Variants in ASMTL observed in about 807,000 individuals in gnomAD.
ASMTL encodes probable bifunctional dTTP/UTP pyrophosphatase/methyltransferase protein.
In ASMTL, 57 loss-of-function variants were observed where a neutral mutation model predicts 60.3. The observed-to-expected ratio is 0.95, with a 90% CI of 0.76 to 1.18. The LOEUF (loss-of-function observed/expected upper bound fraction) is 1.18. Ranked by LOEUF, ASMTL falls within the 50% of genes most tolerant of loss-of-function variation. The pLI is 0.00. For missense variants in ASMTL, 981 were observed against 852.6 expected (o/e 1.15, Z -1.88); for synonymous variants, 419 against 373.0 (o/e 1.12, Z -1.42).
chrX:1,436,360 A>G (rs1269034101), intron 3 of ASMTL, among the ~76,000 whole-genome samples: 7 of 150,440 alleles, frequency 4.7e-5, no homozygotes, highest in Admixed American at 3.3e-4. Flanking sequence ...TTTTTTATTT[A>G]TTTATTTTTT....
At chrX:1,412,291 G>C (rs28379081) in intron 12 of ASMTL, among the ~76,000 whole-genome samples, 1 of 151,758 alleles carries the variant, frequency 6.6e-6, no homozygotes, top group Admixed American at 6.6e-5. Flanking sequence ...GCAGTGGCGC[G>C]ATCTCGGCTC....
At chrX:1,417,648 CAG>C (rs2090340697) in intron 11 of ASMTL, among the ~76,000 whole-genome samples, 2 of 151,596 alleles carry the variant, frequency 1.3e-5, no homozygotes, top group African/African-American at 4.9e-5. Context: ...TATACCCACA[CAG>C]ACACACACAC....
chrX:1,417,530 C>G (rs1218129314), intron 11 of ASMTL, among the ~76,000 whole-genome samples: 1 of 132,398 alleles, frequency 7.6e-6, no homozygotes, highest in African/African-American at 2.7e-5. Context: ...CATGCACACA[C>G]ACACACATGC....
chrX:1,439,908 T>C (rs1184892087), intron 2 of ASMTL, among the ~76,000 whole-genome samples: 2 of 147,294 alleles, frequency 1.4e-5, no homozygotes, highest in Admixed American at 6.7e-5. Context: ...ATAAAACAAA[T>C]CCAGGTTGAA....
chrX:1,439,734 G>T (rs2091059921), intron 2 of ASMTL, among the ~76,000 whole-genome samples: 1 of 151,482 alleles, frequency 6.6e-6, no homozygotes, highest in African/African-American at 2.4e-5. Flanking sequence ...TACTCAGGAG[G>T]CTGAGGCAGC....
At chrX:1,439,728 C>A (rs1261935438) in intron 2 of ASMTL, among the ~76,000 whole-genome samples, 6 of 151,080 alleles carry the variant, frequency 4.0e-5, no homozygotes, top group Admixed American at 3.3e-4. Flanking sequence ...CTCAGCTACT[C>A]AGGAGGCTGA....
Position 1,444,158 on chromosome X carries a change from G to A in ASMTL, c.94-1841C>T, listed in dbSNP as rs193291514. ...TTTCCCTCACACAGAAACATTCCGA[G>A]CCTGCGAGAAGCCCCCTTTTCCAAA... On this transcript the variant is annotated intron_variant, in intron 1 of 12. Transcript: ENST00000381317. 1.3e-3 allele frequency among the ~76,000 whole-genome samples: 200 copies of A among 150,860 alleles called. 2 individuals are homozygous for A. The highest frequency in any genetic ancestry group is 4.8e-3 in the African/African-American group (196 of 41,134).
intron 3 of ASMTL, among the ~76,000 whole-genome samples, chrX:1,436,327 CCAT>C (rs1287773548): frequency 6.6e-6 from 1 of 152,014 alleles, no homozygotes; most frequent in Non-Finnish European, 1.5e-5. Flanking sequence ...GTGCACACCA[CCAT>C]GCCTGGCTAA....
At chrX:1,419,231 G>A (rs55944892) in intron 9 of ASMTL, 117 bp from the exon 10 acceptor site, 187,171 of 1,185,124 alleles carry the variant, frequency 0.16, 15,705 homozygotes, top group Non-Finnish European at 0.17. Flanking sequence ...GCTCAGCCGC[G>A]CCTGGGCTGC....
At chrX:1,452,726 C>A (rs1273444952) in intron 1 of ASMTL, 22 bp downstream of exon 1, 2 of 1,572,034 alleles carry the variant, frequency 1.3e-6, no homozygotes, top group Non-Finnish European at 1.7e-6. Context: ...GGTCCCCTGC[C>A]CCGCCCAGGC....
Position 1,412,768 on chromosome X carries a change from T to C in ASMTL, c.1609A>G (p.Lys537Glu). The part of the protein sequence containing the change: ...LHDWPDDKVH[K>E]LLSRVAESCK... The stretch of plus-strand genomic sequence containing the variant: ...CTCTCGGCGACCCTGCTGAGTAACT[T>C]GTGGACTTTGTCGTCTGGCCAGTCA... The change falls in exon 12 of 13, where the codon AAG (lysine) becomes GAG (glutamate). Residue 537 changes from lysine (K) to glutamate (E), a missense_variant. Coordinates refer to ENST00000381317, the MANE Select transcript of ASMTL (RefSeq NM_004192.4). The C allele has an allele frequency of 6.2e-7, 1 of 1,613,942 alleles. No individual in the cohort carries two copies. Among genetic ancestry groups the C allele is most frequent in the East Asian group, 2.2e-5 (1 of 44,884 alleles).
In ASMTL at chrX:1,435,819, C is replaced by T. The variant is rs2090951549; in HGVS notation, c.274-61G>A. 1.2e-5 allele frequency: 16 copies of T among 1,377,752 alleles called. No homozygotes were observed. The South Asian group carries it at 1.7e-4, about 15-fold the overall frequency. 85.3% of individuals were successfully genotyped at this position (1,377,752 alleles called of 1,614,324 possible). ...CCGGCTGGGTCAGGCCTGTGCAAGTCCCACGGTCCCATTCGCAGAAGTCAC... is the reference window on the plus strand; with the variant it reads ...CCGGCTGGGTCAGGCCTGTGCAAGTTCCACGGTCCCATTCGCAGAAGTCAC... On this transcript the variant is annotated intron_variant, in intron 3 of 12. Transcript: ENST00000381317.
chrX:1,419,222 C>A, intron 9 of ASMTL, 108 bp from the exon 10 acceptor site: 1 of 1,300,182 alleles, frequency 7.7e-7, no homozygotes, highest in Non-Finnish European at 1.1e-6. Context: ...AGCGTGGGGG[C>A]TCAGCCGCGC....
At chrX:1,414,506 G>A (rs1189736954) in intron 11 of ASMTL, among the ~76,000 whole-genome samples, 24 of 152,066 alleles carry the variant, frequency 1.6e-4, no homozygotes, top group South Asian at 2.1e-4. Flanking sequence ...TGAGGAGTTC[G>A]AGACCAGCCT....
intron 2 of ASMTL, among the ~76,000 whole-genome samples, chrX:1,441,384 C>T (rs1250628970): frequency 6.6e-6 from 1 of 152,142 alleles, no homozygotes; most frequent in African/African-American, 2.4e-5. Context: ...TCACGCAATT[C>T]TCCTGCCTCA....
chrX:1,414,148 G>A (rs1458920377), intron 11 of ASMTL: 5 of 151,530 alleles, frequency 3.3e-5, no homozygotes, highest in Non-Finnish European at 7.3e-5. Flanking sequence ...TGGAGGCAGA[G>A]ACTGGAGTGA....
intron 12 of ASMTL, among the ~76,000 whole-genome samples, chrX:1,404,023 TAGAC>T (rs1311317389): frequency 6.6e-6 from 1 of 151,294 alleles, no homozygotes; most frequent in Non-Finnish European, 1.5e-5. Flanking sequence ...GATGGGCAGG[TAGAC>T]GGATGGATAG....
chrX:1,427,773 T>A lies in ASMTL; in HGVS notation c.858A>T (p.Thr286=), dbSNP rs2090650333. ...AGCCCTCAATCAGCTCCAGGAGGCG[T>A]GTCGGGAACGGAGGCAGGGTCTCCC... ...RTRETLPPFP[T]RLLELIEGFM... Residue 286 remains threonine (T), a synonymous_variant, in exon 7 of 13, where the codon ACA becomes ACT. Transcript: ENST00000381317. 1 of 1,612,924 alleles carries A rather than the reference T, an allele frequency of 6.2e-7. No individual in the cohort carries two copies. The highest frequency in any genetic ancestry group is 8.5e-7 in the Non-Finnish European group (1 of 1,179,548).
chrX:1,419,222 C>T, intron 9 of ASMTL, 108 bp from the exon 10 acceptor site: 2 of 1,300,182 alleles, frequency 1.5e-6, no homozygotes, highest in South Asian at 2.7e-5. Flanking sequence ...AGCGTGGGGG[C>T]TCAGCCGCGC....
Sources: gnomAD v4.1 joint callset for allele counts (sites outside exome capture counted in the v4.1 genomes callset) on GRCh38, gnomAD v4.1.1 for gene constraint, MANE v1.5 for transcripts, NCBI Gene and HGNC (gene_info 2026-07-23, HGNC 2026-07-21) for gene names.